The following NRG1 variants were observed in gnomAD, a reference collection of about 807,000 sequenced individuals.
NRG1 encodes pro-neuregulin-1, membrane-bound isoform.
In NRG1, 18 loss-of-function variants were observed where a neutral mutation model predicts 63.8. The observed-to-expected ratio is 0.28, with a 90% CI of 0.19 to 0.42. The LOEUF (loss-of-function observed/expected upper bound fraction) is 0.42. Ranked by LOEUF, NRG1 falls within the 10% of genes least tolerant of loss-of-function variation. The pLI is 1.00. For synonymous variants in NRG1, 302 were observed against 301.3 expected, an observed-to-expected ratio of 1.00 and a Z score of -0.02; for missense variants, 762 against 814.7, an observed-to-expected ratio of 0.94 and a Z score of 0.79.
chr8:31,961,893 A>G (rs1355894412), intron 1 of NRG1, among the ~76,000 whole-genome samples: 2 of 152,250 alleles, frequency 1.3e-5, no homozygotes, highest in Non-Finnish European at 2.9e-5. Context: ...AAATTTGTCA[A>G]AGCAATATAG....
intron 1 of NRG1, among the ~76,000 whole-genome samples, chr8:31,892,424 A>G (rs1831226004): frequency 1.3e-5 from 2 of 152,202 alleles, no homozygotes; most frequent in East Asian, 1.9e-4. Context: ...CCAATTTAGG[A>G]TAACTTCACA....
intron 1 of NRG1, among the ~76,000 whole-genome samples, chr8:31,754,739 A>T (rs902576392): frequency 6.6e-6 from 1 of 152,078 alleles, no homozygotes; most frequent in Non-Finnish European, 1.5e-5. Context: ...GGCCCCTGTA[A>T]CAAGTACTAT....
chr8:32,143,960 T>C (rs1836577248), intron 1 of NRG1, among the ~76,000 whole-genome samples: 1 of 152,232 alleles, frequency 6.6e-6, no homozygotes, highest in Non-Finnish European at 1.5e-5. Context: ...CTGCCATTTG[T>C]GTGCATTTAT....
At chr8:32,325,631 G>A (rs913709606) in intron 1 of NRG1, among the ~76,000 whole-genome samples, 3 of 151,998 alleles carry the variant, frequency 2.0e-5, no homozygotes, top group Admixed American at 6.6e-5. Flanking sequence ...CTCCTGCCTC[G>A]GCTTCCCAAA....
chr8:32,509,290 C>T (rs1039682359), intron 1 of NRG1, among the ~76,000 whole-genome samples: 1 of 151,678 alleles, frequency 6.6e-6, no homozygotes, highest in Non-Finnish European at 1.5e-5. Flanking sequence ...GATGAGGTTT[C>T]ACCATGTTGC....
intron 1 of NRG1, among the ~76,000 whole-genome samples, chr8:31,814,927 T>C (rs1823287409): frequency 1.3e-5 from 2 of 152,032 alleles, no homozygotes; most frequent in South Asian, 4.1e-4. Flanking sequence ...CAAATAAAAA[T>C]GGTAATTTTT....
chr8:32,251,833 A>T (rs1469045742), intron 1 of NRG1, among the ~76,000 whole-genome samples: 1 of 151,824 alleles, frequency 6.6e-6, no homozygotes, highest in Non-Finnish European at 1.5e-5. Context: ...TCTAATGACC[A>T]GTGATGATGA....
upstream of NRG1, among the ~76,000 whole-genome samples, chr8:32,545,054 T>C (rs1364873220): frequency 6.6e-6 from 1 of 152,244 alleles, no homozygotes; most frequent in African/African-American, 2.4e-5. Context: ...CCCATTACTG[T>C]CAACATGCAT....
rs1437437487 is a variant in NRG1 at position 31,856,734 on chromosome 8, C to T, written c.37+217303C>T. On this transcript the variant is annotated intron_variant, in intron 1 of 10. Transcript: ENST00000519301. ...TTTTTCTGCTCTGTTTTTTCCCCATCTTTGTGGTTTTATCTACTTTTGGTC... is the reference window on the plus strand; with the variant it reads ...TTTTTCTGCTCTGTTTTTTCCCCATTTTTGTGGTTTTATCTACTTTTGGTC... 3.3e-5 allele frequency among the ~76,000 whole-genome samples: 5 copies of T among 152,112 alleles called. No homozygotes were observed. In the South Asian group the frequency reaches 1.0e-3, roughly 32 times the overall value.
At chr8:31,779,721 A>G (rs1297797868) in intron 1 of NRG1, among the ~76,000 whole-genome samples, 1 of 152,214 alleles carries the variant, frequency 6.6e-6, no homozygotes, top group Admixed American at 6.5e-5. Flanking sequence ...ATAAGGAGCC[A>G]GGAGACCCAA....
At chr8:31,782,014 C>T (rs1231484146) in intron 1 of NRG1, among the ~76,000 whole-genome samples, 1 of 152,116 alleles carries the variant, frequency 6.6e-6, no homozygotes, top group Non-Finnish European at 1.5e-5. Flanking sequence ...GCTTTCACTG[C>T]AATTGAAAGG....
chr8:32,032,812 C>T (rs538236218), intron 1 of NRG1, among the ~76,000 whole-genome samples: 1 of 152,130 alleles, frequency 6.6e-6, no homozygotes, highest in Non-Finnish European at 1.5e-5. Flanking sequence ...GCTTTTGTTG[C>T]AACTGCTGTT....
intron 1 of NRG1, among the ~76,000 whole-genome samples, chr8:31,658,173 C>T (rs989456731): frequency 2.0e-5 from 3 of 152,120 alleles, no homozygotes; most frequent in Non-Finnish European, 4.4e-5. Context: ...AGTTGATTGT[C>T]TGAGCGAGGA....
chr8:31,837,094 G>A (rs1825750425), intron 1 of NRG1, among the ~76,000 whole-genome samples: 1 of 151,980 alleles, frequency 6.6e-6, no homozygotes, highest in Non-Finnish European at 1.5e-5. Context: ...TGTATGCTTT[G>A]TCCATTTCCA....
rs1239524810 is a variant in NRG1, at chr8:32,683,628, C to G, written c.503-44321C>G. ...AAGGGTTGCCTCATGCTAATTCATCCTAATGTTTCTCCTCCTTCCTACATA... is the reference window on the plus strand; with the variant it reads ...AAGGGTTGCCTCATGCTAATTCATCGTAATGTTTCTCCTCCTTCCTACATA... On this transcript the variant is annotated intron_variant, in intron 5 of 11. Transcript: ENST00000356819. Among the ~76,000 whole-genome samples the G allele has an allele frequency of 2.0e-5, 3 of 152,120 alleles. No individual in the cohort carries two copies. In the South Asian group the frequency reaches 6.2e-4, roughly 32 times the overall value.
intron 1 of NRG1, among the ~76,000 whole-genome samples, chr8:31,862,520 A>G (rs565305287): frequency 6.6e-6 from 1 of 152,160 alleles, no homozygotes; most frequent in Non-Finnish European, 1.5e-5. Context: ...ACAAAAAGTC[A>G]TTGGTTTTGA....
intron 1 of NRG1, among the ~76,000 whole-genome samples, chr8:32,170,058 C>T (rs61299338): frequency 0.056 from 8,531 of 152,186 alleles, 400 homozygotes; most frequent in East Asian, 0.26. Flanking sequence ...CCAAGGAATG[C>T]CTGAGGTTAC....
intron 1 of NRG1, among the ~76,000 whole-genome samples, chr8:31,838,595 C>A (rs1825899096): frequency 6.6e-6 from 1 of 152,068 alleles, no homozygotes; most frequent in African/African-American, 2.4e-5. Flanking sequence ...TTTGTTTAAG[C>A]ATTCTTTTAT....
At chr8:32,282,204 G>A (rs1852941277) in intron 1 of NRG1, among the ~76,000 whole-genome samples, 1 of 152,164 alleles carries the variant, frequency 6.6e-6, no homozygotes, top group Non-Finnish European at 1.5e-5. Flanking sequence ...GCCTTTGGTG[G>A]ACAAAGTATC....
Sources: allele counts gnomAD v4.1 joint callset (sites outside exome capture counted in the v4.1 genomes callset), GRCh38; gene constraint gnomAD v4.1.1; transcripts MANE v1.5; gene names NCBI Gene and HGNC (gene_info 2026-07-23, HGNC 2026-07-21).